Variants in DOCK4 observed in about 807,000 individuals in gnomAD.
DOCK4 encodes the protein dedicator of cytokinesis protein 4.
In DOCK4, 97 loss-of-function variants were observed where a neutral mutation model predicts 268.1. The ratio of observed to expected loss-of-function variants is 0.36; its 90% CI spans 0.31 to 0.43. DOCK4 has a LOEUF of 0.43. Among genes scored for constraint, DOCK4 ranks in the 20% least tolerant of loss-of-function variants. The pLI, the probability that DOCK4 is intolerant of heterozygous loss-of-function variation, is 1.00. For missense variants in DOCK4, 2,145 were observed against 2,455.7 expected, an observed-to-expected ratio of 0.87 and a Z score of 2.67; for synonymous variants, 954 against 887.2, an observed-to-expected ratio of 1.08 and a Z score of -1.34.
intron 25 of DOCK4, among the ~76,000 whole-genome samples, chr7:111,838,310 T>C (rs1803398631): frequency 6.6e-6 from 1 of 152,088 alleles, no homozygotes; most frequent in Admixed American, 6.6e-5. Context: ...CTTTAAGATT[T>C]ATTATAAAAC....
intron 1 of DOCK4, among the ~76,000 whole-genome samples, chr7:112,008,224 G>A (rs1215436245): frequency 1.3e-5 from 2 of 152,110 alleles, no homozygotes; most frequent in Non-Finnish European, 2.9e-5. Context: ...AAAAACTACT[G>A]CTGTGGTGAT....
chr7:112,145,701 A>C (rs1490089635), intron 1 of DOCK4, among the ~76,000 whole-genome samples: 1 of 152,104 alleles, frequency 6.6e-6, no homozygotes, highest in Non-Finnish European at 1.5e-5. Flanking sequence ...ATTCCACTAG[A>C]CATACATGCA....
intron 36 of DOCK4, among the ~76,000 whole-genome samples, chr7:111,770,223 CAAAAA>C (rs756689437): frequency 0.11 from 7,351 of 69,546 alleles, 618 homozygotes; most frequent in African/African-American, 0.29. Context: ...GAGTGAAGAC[CAAAAA>C]AAAAAAAAAA....
intron 1 of DOCK4, among the ~76,000 whole-genome samples, chr7:112,160,013 C>G (rs1195712619): frequency 6.6e-6 from 1 of 152,038 alleles, no homozygotes; most frequent in African/African-American, 2.4e-5. Flanking sequence ...ATGAGCATTT[C>G]AGGCTTATAG....
intron 1 of DOCK4, among the ~76,000 whole-genome samples, chr7:112,191,267 A>T (rs1819928284): frequency 6.6e-6 from 1 of 151,836 alleles, no homozygotes; most frequent in African/African-American, 2.4e-5. Flanking sequence ...TTTTATTTTC[A>T]CTCCAGGGTT....
chr7:112,031,287 C>T (rs2135458218), intron 1 of DOCK4, among the ~76,000 whole-genome samples: 2 of 152,318 alleles, frequency 1.3e-5, no homozygotes, highest in South Asian at 2.1e-4. Flanking sequence ...GTTCCACTCC[C>T]TGTCTTGTCT....
chr7:111,739,496 C>T lies in DOCK4; in HGVS notation c.5041-19G>A. Reference sequence around the variant, plus strand: ...GACTTGGCTGGAAACACACAGGGAGCTATTATCATACCCTGATTAAAGGCT... The same window carrying T: ...GACTTGGCTGGAAACACACAGGGAGTTATTATCATACCCTGATTAAAGGCT... On this transcript the variant is annotated intron_variant, in intron 47 of 52. Coordinates refer to ENST00000428084, the MANE Select transcript of DOCK4 (RefSeq NM_001363540.2). 6.4e-7 allele frequency: 1 copy of T among 1,552,484 alleles called. No individual in the cohort carries two copies. Among genetic ancestry groups the T allele is most frequent in the Non-Finnish European group, 8.7e-7 (1 of 1,145,950 alleles).
At chr7:112,113,849 C>T (rs1298406356) in intron 1 of DOCK4, among the ~76,000 whole-genome samples, 2 of 138,466 alleles carry the variant, frequency 1.4e-5, no homozygotes, top group Non-Finnish European at 3.0e-5. Context: ...CTGCCTTGTC[C>T]TCCCAAAGTA....
intron 12 of DOCK4, among the ~76,000 whole-genome samples, chr7:111,926,902 GAAGA>G (rs1793756594): frequency 6.7e-6 from 1 of 150,100 alleles, no homozygotes; most frequent in African/African-American, 2.4e-5. Flanking sequence ...AGGAAAGAAG[GAAGA>G]AAGAAAAAAA....
chr7:112,189,473 T>TGGCATTTA (rs1393464173), intron 1 of DOCK4, among the ~76,000 whole-genome samples: 1 of 152,218 alleles, frequency 6.6e-6, no homozygotes, highest in Non-Finnish European at 1.5e-5. Context: ...GAGTATCTTC[T>TGGCATTTA]GGCATTTAAA....
rs192551336 is a variant in DOCK4 at position 112,158,535 on chromosome 7, C to T, written c.37+47567G>A. Among the ~76,000 whole-genome samples, 349 of 152,196 alleles carry T rather than the reference C, an allele frequency of 2.3e-3. 3 individuals carry two copies. Among genetic ancestry groups the T allele is most frequent in the Middle Eastern group, 6.8e-3 (2 of 294 alleles). On this transcript the variant is annotated intron_variant, in intron 1 of 52. Transcript: ENST00000428084. ...GGTTCATAAAATAATCTTCAAGATA[C>T]TAGTTATATACTTACAGTATTGCAT...
chr7:111,770,223 C>CAA lies in DOCK4; in HGVS notation c.3680-548_3680-547dup, dbSNP rs756689437. Among the ~76,000 whole-genome samples the CAA allele has an allele frequency of 5.2e-3, 359 of 69,522 alleles. 3 individuals are homozygous for CAA. The highest frequency in any genetic ancestry group is 0.013 in the African/African-American group (315 of 23,542). 45.6% of individuals were successfully genotyped at this position (69,522 alleles called of 152,430 possible). On this transcript the variant is annotated intron_variant, in intron 36 of 52. Transcript: ENST00000428084. ...AGCCAGAGAGGAGCTGAGTGAAGAC[C>CAA]AAAAAAAAAAAAAAAAAGAAAAAGA...
At chr7:111,980,117 AC>A (rs1317558770) in intron 7 of DOCK4, among the ~76,000 whole-genome samples, 1 of 152,124 alleles carries the variant, frequency 6.6e-6, no homozygotes, top group Non-Finnish European at 1.5e-5. Context: ...ATGGGCTTGA[AC>A]TTTTGTTCTT....
At chr7:112,204,427 C>T (rs1418426445) in intron 1 of DOCK4, among the ~76,000 whole-genome samples, 8 of 152,172 alleles carry the variant, frequency 5.3e-5, no homozygotes, top group Admixed American at 5.2e-4. Flanking sequence ...GGGTCCCTCA[C>T]CAGTCCAGCA....
At chr7:111,744,124 G>T (rs1313446099) in intron 44 of DOCK4, among the ~76,000 whole-genome samples, 1 of 152,168 alleles carries the variant, frequency 6.6e-6, no homozygotes, top group Non-Finnish European at 1.5e-5. Flanking sequence ...GTCCCAAATG[G>T]CCAGGCTTTC....
chr7:112,201,849 C>T (rs1232583059), intron 1 of DOCK4, among the ~76,000 whole-genome samples: 2 of 152,164 alleles, frequency 1.3e-5, no homozygotes, highest in Non-Finnish European at 2.9e-5. Flanking sequence ...TCCCCAACCA[C>T]CCTCTTCCCC....
chr7:111,832,055 A>C (rs1802856862), intron 26 of DOCK4, among the ~76,000 whole-genome samples: 1 of 152,232 alleles, frequency 6.6e-6, no homozygotes, highest in Non-Finnish European at 1.5e-5. Context: ...GCCCAGTGGG[A>C]TATATACATA....
At chr7:111,969,817 A>G (rs989032765) in intron 8 of DOCK4, among the ~76,000 whole-genome samples, 9 of 152,218 alleles carry the variant, frequency 5.9e-5, no homozygotes, top group Non-Finnish European at 2.9e-5. Flanking sequence ...ATCACCATGT[A>G]GTACAGAAGC....
intron 5 of DOCK4, among the ~76,000 whole-genome samples, chr7:111,989,379 C>T (rs1210780479): frequency 6.6e-6 from 1 of 152,208 alleles, no homozygotes; most frequent in Non-Finnish European, 1.5e-5. Flanking sequence ...ACACTGCTCT[C>T]ATGTCCAGAA....
Sources: allele counts gnomAD v4.1 joint callset (sites outside exome capture counted in the v4.1 genomes callset), GRCh38; gene constraint gnomAD v4.1.1; transcripts MANE v1.5; gene names NCBI Gene and HGNC (gene_info 2026-07-23, HGNC 2026-07-21).